Variants in H2AC13 observed in about 807,000 individuals in gnomAD.
The protein encoded by H2AC13 is H2A clustered histone 13.
Under a neutral mutation model 5.9 loss-of-function variants are expected in H2AC13, and 3 were observed. The ratio of observed to expected loss-of-function variants is 0.50; its 90% CI spans 0.23 to 1.30. The LOEUF (loss-of-function observed/expected upper bound fraction) is 1.30. H2AC13 is among the 50% of genes most tolerant of loss of function. The pLI, the probability that H2AC13 is intolerant of heterozygous loss-of-function variation, is 0.18. For missense variants in H2AC13, 123 were observed against 179.1 expected (o/e 0.69, Z 1.79); for synonymous variants, 96 against 82.4 (o/e 1.17, Z -0.90).
chr6:27,808,651 C>G lies in H2AC13; in HGVS notation c.*49C>G. 1.9e-6 allele frequency: 3 copies of G among 1,563,530 alleles called. No homozygotes were observed. Among genetic ancestry groups the G allele is most frequent in the Non-Finnish European group, 2.6e-6 (3 of 1,157,388 alleles). Reference sequence around the variant, plus strand: ...CTCAATCCCAAAGGAACCAAAGGCTCTTTTCAGAGCCACCTACAATTTTGT... The same window carrying G: ...CTCAATCCCAAAGGAACCAAAGGCTGTTTTCAGAGCCACCTACAATTTTGT... On this transcript the variant is annotated 3_prime_UTR_variant, in exon 1 of 1. Coordinates refer to ENST00000358739, the MANE Select transcript of H2AC13 (RefSeq NM_003509.3).
In H2AC13 at chr6:27,808,192, G is replaced by T. The variant is rs775106132; in HGVS notation, c.-18G>T. 6.4e-7 allele frequency: 1 copy of T among 1,554,344 alleles called. No homozygotes were observed. The highest frequency in any genetic ancestry group is 1.2e-5 in the South Asian group (1 of 80,786). On this transcript the variant is annotated 5_prime_UTR_variant, in exon 1 of 1. Coordinates refer to ENST00000358739, the MANE Select transcript of H2AC13 (RefSeq NM_003509.3). Reference sequence around the variant, plus strand: ...CACTTCAGTCTTTCTTGACCGTATAGATAATAGGCCTTTTGCCATGTCTGG... The same window carrying T: ...CACTTCAGTCTTTCTTGACCGTATATATAATAGGCCTTTTGCCATGTCTGG...
In H2AC13 at chr6:27,808,610, G is replaced by C; in HGVS notation, c.*8G>C. On this transcript the variant is annotated 3_prime_UTR_variant, in exon 1 of 1. Coordinates refer to ENST00000358739, the MANE Select transcript of H2AC13 (RefSeq NM_003509.3). ...AAGGCGAAGGGCAAGTAGAAGCCTG[G>C]ATTAGTTTGCAGCAACTCAATCCCA... 1 of 1,607,930 alleles carries C rather than the reference G, an allele frequency of 6.2e-7. No homozygotes were observed. The highest frequency in any genetic ancestry group is 8.5e-7 in the Non-Finnish European group (1 of 1,176,304).
Position 27,808,346 on chromosome 6 carries a change from C to G in H2AC13, c.137C>G (p.Ala46Gly). The change falls in exon 1 of 1, where the codon GCT becomes GGT. Residue 46 changes from alanine (A) to glycine (G), a missense_variant. Physicochemically the swap from Ala to Gly is moderately conservative, Grantham distance 60 (BLOSUM62 0). This residue lies in a region of H2AC13 where 72 missense variants were observed against 134.3 expected (regional missense o/e 0.54). Transcript: ENST00000358739. Reference protein sequence around the residue: ...RKGNYAERVGAGAPVYLAAVL... With the variant: ...RKGNYAERVGGGAPVYLAAVL... ...GGCAACTATGCGGAGCGGGTCGGTG[C>G]TGGAGCGCCGGTGTACCTGGCGGCG... 1 of 1,596,872 alleles carries G rather than the reference C, an allele frequency of 6.3e-7. No homozygotes were observed. The highest frequency in any genetic ancestry group is 8.6e-7 in the Non-Finnish European group (1 of 1,169,430).
At position 27,808,631 on chromosome 6, in the gene H2AC13, T is replaced by C. The variant is rs1476297540; in HGVS notation, c.*29T>C. The C allele has an allele frequency of 6.3e-7, 1 of 1,593,054 alleles. No homozygotes were observed. Among genetic ancestry groups the C allele is most frequent in the Non-Finnish European group, 8.6e-7 (1 of 1,168,934 alleles). ...CCTGGATTAGTTTGCAGCAACTCAATCCCAAAGGAACCAAAGGCTCTTTTC... is the reference window on the plus strand; with the variant it reads ...CCTGGATTAGTTTGCAGCAACTCAACCCCAAAGGAACCAAAGGCTCTTTTC... On this transcript the variant is annotated 3_prime_UTR_variant, in exon 1 of 1. Transcript: ENST00000358739.
In H2AC13 at chr6:27,808,619, GCAGC is replaced by G; in HGVS notation, c.*18_*21del. The stretch of plus-strand genomic sequence containing the variant: ...GGCAAGTAGAAGCCTGGATTAGTTT[GCAGC>G]AACTCAATCCCAAAGGAACCAAAGG... On this transcript the variant is annotated 3_prime_UTR_variant, in exon 1 of 1. Transcript: ENST00000358739. 1.2e-6 allele frequency: 2 copies of G among 1,602,644 alleles called. No individual in the cohort carries two copies. The highest frequency in any genetic ancestry group is 1.7e-6 in the Non-Finnish European group (2 of 1,173,566).
In H2AC13 at chr6:27,808,173, AGT is replaced by A. The variant is rs570328618; in HGVS notation, c.-36_-35del. 2.0e-4 allele frequency: 312 copies of A among 1,530,438 alleles called. 1 individual carries two copies. The African/African-American group carries it at 3.9e-3, about 19-fold the overall frequency. 94.8% of individuals were successfully genotyped at this position (1,530,438 alleles called of 1,614,324 possible). A position where few individuals can be genotyped will look rare whatever the true frequency, so the allele number is the denominator to read the frequency against. ...ATGTACGTTTTTCTAGTTTCACTTC[AGT>A]CTTTCTTGACCGTATAGATAATAGG... On this transcript the variant is annotated 5_prime_UTR_variant, in exon 1 of 1. Transcript: ENST00000358739.
At position 27,808,204 on chromosome 6, in the gene H2AC13, T is replaced by C; in HGVS notation, c.-6T>C. ...TCTTGACCGTATAGATAATAGGCCT[T>C]TTGCCATGTCTGGGCGTGGCAAGCA... On this transcript the variant is annotated 5_prime_UTR_variant, in exon 1 of 1. Coordinates refer to ENST00000358739, the MANE Select transcript of H2AC13 (RefSeq NM_003509.3). 1.3e-6 allele frequency: 2 copies of C among 1,568,642 alleles called. No homozygotes were observed. Among genetic ancestry groups the C allele is most frequent in the South Asian group, 2.4e-5 (2 of 83,696 alleles).
At position 27,808,349 on chromosome 6, in the gene H2AC13, G is replaced by T. The variant is rs1213656988; in HGVS notation, c.140G>T (p.Gly47Val). Reference sequence around the variant, plus strand: ...AACTATGCGGAGCGGGTCGGTGCTGGAGCGCCGGTGTACCTGGCGGCGGTG... The same window carrying T: ...AACTATGCGGAGCGGGTCGGTGCTGTAGCGCCGGTGTACCTGGCGGCGGTG... ...KGNYAERVGAGAPVYLAAVLE... is the reference protein window; with the variant it reads ...KGNYAERVGAVAPVYLAAVLE... Residue 47 changes from glycine to valine, a missense_variant, in exon 1 of 1, where the codon GGA becomes GTA. Transcript: ENST00000358739. 6.3e-7 allele frequency: 1 copy of T among 1,597,560 alleles called. No homozygotes were observed. Among genetic ancestry groups the T allele is most frequent in the East Asian group, 2.2e-5 (1 of 44,640 alleles).
At position 27,808,261 on chromosome 6, in the gene H2AC13, C is replaced by G; in HGVS notation, c.52C>G (p.Arg18Gly). 6.4e-7 allele frequency: 1 copy of G among 1,570,078 alleles called. No individual in the cohort carries two copies. The highest frequency in any genetic ancestry group is 8.6e-7 in the Non-Finnish European group (1 of 1,161,034). ...CAAAGCTCGCGCCAAGGCCAAGACC[C>G]GCTCTTCTCGGGCCGGGCTTCAGTT... ...GGKARAKAKTRSSRAGLQFPV... is the reference protein window; with the variant it reads ...GGKARAKAKTGSSRAGLQFPV... The change falls in exon 1 of 1, where the codon CGC (arginine) becomes GGC (glycine). Residue 18 changes from arginine (R) to glycine (G), a missense_variant. By Grantham distance (125) the Arg-to-Gly change is moderately radical. Around this residue, in one of 3 missense-constraint regions of H2AC13, gnomAD observed 33 missense variants for 28.6 expected, o/e 1.15. Coordinates refer to ENST00000358739, the MANE Select transcript of H2AC13 (RefSeq NM_003509.3).
chr6:27,808,289 C>T lies in H2AC13; in HGVS notation c.80C>T (p.Pro27Leu). Residue 27 changes from proline to leucine, a missense_variant, in exon 1 of 1, where the codon CCC (proline) becomes CTC (leucine). This residue lies in a region of H2AC13 where 72 missense variants were observed against 134.3 expected (regional missense o/e 0.54). Transcript: ENST00000358739. ...TCTTCTCGGGCCGGGCTTCAGTTTC[C>T]CGTAGGCCGAGTGCATCGCCTGCTC... ...TRSSRAGLQF[P>L]VGRVHRLLRK... 1 of 1,553,692 alleles carries T rather than the reference C, an allele frequency of 6.4e-7. No individual in the cohort carries two copies. The highest frequency in any genetic ancestry group is 2.2e-5 in the East Asian group (1 of 44,530).
In H2AC13 at chr6:27,808,549, G is replaced by A. The variant is rs1760495697; in HGVS notation, c.340G>A (p.Ala114Thr). The A allele has an allele frequency of 6.2e-7, 1 of 1,614,216 alleles. No homozygotes were observed. Among genetic ancestry groups the A allele is most frequent in the Non-Finnish European group, 8.5e-7 (1 of 1,180,030 alleles). The change falls in exon 1 of 1, where the codon GCC (alanine) becomes ACC (threonine). Residue 114 changes from alanine (A) to threonine (T), a missense_variant. Around this residue, in one of 3 missense-constraint regions of H2AC13, gnomAD observed 72 missense variants for 134.3 expected, o/e 0.54. Coordinates refer to ENST00000358739, the MANE Select transcript of H2AC13 (RefSeq NM_003509.3). ...GGGTGGCGTCCTGCCCAACATCCAG[G>A]CCGTGCTACTGCCCAAGAAGACCGA... is the stretch of plus-strand genomic sequence containing the variant. ...AQGGVLPNIQ[A>T]VLLPKKTESH...
Position 27,808,226 on chromosome 6 carries a change from A to C in H2AC13, c.17A>C (p.Lys6Thr). 1 of 1,582,914 alleles carries C rather than the reference A, an allele frequency of 6.3e-7. No individual in the cohort carries two copies. The highest frequency in any genetic ancestry group is 1.2e-5 in the South Asian group (1 of 86,576). Residue 6 changes from lysine to threonine, a missense_variant, in exon 1 of 1, where the codon AAG becomes ACG. Lys to Thr is a moderately conservative substitution (Grantham distance 78, BLOSUM62 -1). Around this residue, in one of 3 missense-constraint regions of H2AC13, gnomAD observed 33 missense variants for 28.6 expected, o/e 1.15. Coordinates refer to ENST00000358739, the MANE Select transcript of H2AC13 (RefSeq NM_003509.3). MSGRG[K>T]QGGKARAKAK... The stretch of plus-strand genomic sequence containing the variant: ...CCTTTTGCCATGTCTGGGCGTGGCA[A>C]GCAGGGAGGCAAAGCTCGCGCCAAG...
In H2AC13 at chr6:27,808,640, A is replaced by T; in HGVS notation, c.*38A>T. 1 of 1,581,260 alleles carries T rather than the reference A, an allele frequency of 6.3e-7. No homozygotes were observed. Among genetic ancestry groups the T allele is most frequent in the Non-Finnish European group, 8.6e-7 (1 of 1,164,288 alleles). ...GTTTGCAGCAACTCAATCCCAAAGG[A>T]ACCAAAGGCTCTTTTCAGAGCCACC... On this transcript the variant is annotated 3_prime_UTR_variant, in exon 1 of 1. Transcript: ENST00000358739.
chr6:27,808,361 A>G lies in H2AC13; in HGVS notation c.152A>G (p.Tyr51Cys), dbSNP rs771158434. The G allele has an allele frequency of 1.9e-5, 31 of 1,600,074 alleles. No homozygotes were observed. The highest frequency in any genetic ancestry group is 4.5e-5 in the East Asian group (2 of 44,666). ...CGGGTCGGTGCTGGAGCGCCGGTGT[A>G]CCTGGCGGCGGTGCTGGAGTACCTG... ...AERVGAGAPV[Y>C]LAAVLEYLTA... Residue 51 changes from tyrosine to cysteine, a missense_variant, in exon 1 of 1, where the codon TAC (tyrosine) becomes TGC (cysteine). By Grantham distance (194) the Tyr-to-Cys change is radical (BLOSUM62 -2). Transcript: ENST00000358739.
rs546631074 is a variant in H2AC13, at chr6:27,808,605, G to T, written c.*3G>T. The T allele has an allele frequency of 2.1e-5, 33 of 1,609,490 alleles. 2 individuals are homozygous for T. The South Asian group carries it at 3.0e-4, about 14-fold the overall frequency. ...ACCACAAGGCGAAGGGCAAGTAGAA[G>T]CCTGGATTAGTTTGCAGCAACTCAA... On this transcript the variant is annotated 3_prime_UTR_variant, in exon 1 of 1. Coordinates refer to ENST00000358739, the MANE Select transcript of H2AC13 (RefSeq NM_003509.3).
rs1476017292 is a variant in H2AC13 at position 27,808,258 on chromosome 6, A to G, written c.49A>G (p.Thr17Ala). The G allele has an allele frequency of 1.9e-6, 3 of 1,573,706 alleles. No individual in the cohort carries two copies. Residue 17 changes from threonine (T) to alanine (A), a missense_variant, in exon 1 of 1, where the codon ACC becomes GCC. This residue lies in a region of H2AC13 where 33 missense variants were observed against 28.6 expected (regional missense o/e 1.15). Transcript: ENST00000358739. ...AGGCAAAGCTCGCGCCAAGGCCAAGACCCGCTCTTCTCGGGCCGGGCTTCA... is the reference window on the plus strand; with the variant it reads ...AGGCAAAGCTCGCGCCAAGGCCAAGGCCCGCTCTTCTCGGGCCGGGCTTCA... ...QGGKARAKAK[T>A]RSSRAGLQFP...
chr6:27,808,441 C>T lies in H2AC13; in HGVS notation c.232C>T (p.Arg78Cys), dbSNP rs573340297. The part of the protein sequence containing the change: ...GNAARDNKKT[R>C]IIPRHLQLAI... ...CGCGGCCCGCGACAACAAGAAGACT[C>T]GCATCATCCCGCGTCACCTCCAGCT... The change falls in exon 1 of 1, where the codon CGC becomes TGC. Residue 78 changes from arginine to cysteine, a missense_variant. By Grantham distance (180) the Arg-to-Cys change is radical (BLOSUM62 -3). Transcript: ENST00000358739. 1 of 1,612,902 alleles carries T rather than the reference C, an allele frequency of 6.2e-7. No homozygotes were observed. The highest frequency in any genetic ancestry group is 1.1e-5 in the South Asian group (1 of 91,046).
chr6:27,808,609 GGATT>G lies in H2AC13; in HGVS notation c.*8_*11del. On this transcript the variant is annotated 3_prime_UTR_variant, in exon 1 of 1. Coordinates refer to ENST00000358739, the MANE Select transcript of H2AC13 (RefSeq NM_003509.3). Reference sequence around the variant, plus strand: ...CAAGGCGAAGGGCAAGTAGAAGCCTGGATTAGTTTGCAGCAACTCAATCCCAAAG... The same window carrying G: ...CAAGGCGAAGGGCAAGTAGAAGCCTGAGTTTGCAGCAACTCAATCCCAAAG... The G allele has an allele frequency of 1.2e-6, 2 of 1,607,900 alleles. No homozygotes were observed. Among genetic ancestry groups the G allele is most frequent in the Non-Finnish European group, 1.7e-6 (2 of 1,176,290 alleles).
rs1470516677 is a variant in H2AC13, at chr6:27,808,357, G to A, written c.148G>A (p.Val50Met). The A allele has an allele frequency of 2.5e-6, 4 of 1,599,460 alleles. No individual in the cohort carries two copies. Among genetic ancestry groups the A allele is most frequent in the Non-Finnish European group, 1.7e-6 (2 of 1,170,850 alleles). The change falls in exon 1 of 1, where the codon GTG becomes ATG. Residue 50 changes from valine (V) to methionine (M), a missense_variant. This residue lies in a region of H2AC13 where 72 missense variants were observed against 134.3 expected (regional missense o/e 0.54). Transcript: ENST00000358739. Reference sequence around the variant, plus strand: ...GGAGCGGGTCGGTGCTGGAGCGCCGGTGTACCTGGCGGCGGTGCTGGAGTA... The same window carrying A: ...GGAGCGGGTCGGTGCTGGAGCGCCGATGTACCTGGCGGCGGTGCTGGAGTA... ...YAERVGAGAP[V>M]YLAAVLEYLT...
Sources: allele counts gnomAD v4.1 joint callset, GRCh38; gene constraint gnomAD v4.1.1; regional missense constraint gnomAD v4.1.1; transcripts MANE v1.5; gene names NCBI Gene and HGNC (gene_info 2026-07-23, HGNC 2026-07-21).